ATF7IP: variants seen among roughly 807,000 people sequenced by gnomAD.
The protein encoded by ATF7IP is activating transcription factor 7-interacting protein 1.
Under a neutral mutation model 106.4 loss-of-function variants are expected in ATF7IP, and 23 were observed. That is an observed-to-expected ratio of 0.22 (90% CI 0.16 to 0.31). The LOEUF (loss-of-function observed/expected upper bound fraction) is 0.31, where lower values mean the gene tolerates loss of function less well. Among genes scored for constraint, ATF7IP ranks in the 10% least tolerant of loss-of-function variants. The pLI is 1.00. For missense variants in ATF7IP, 1,334 were observed against 1,524.3 expected, an observed-to-expected ratio of 0.88 and a Z score of 2.08; for synonymous variants, 542 against 539.0, an observed-to-expected ratio of 1.01 and a Z score of -0.08.
intron 1 of ATF7IP, chr12:14,408,433 T>G (rs1372137677): frequency 6.6e-6 from 1 of 152,170 alleles, no homozygotes; most frequent in East Asian, 1.9e-4. Flanking sequence ...TCTTCCTGAT[T>G]GGTTACATGA....
intron 1 of ATF7IP, among the ~76,000 whole-genome samples, chr12:14,410,529 G>A (rs1350694459): frequency 1.3e-5 from 2 of 151,982 alleles, no homozygotes; most frequent in African/African-American, 4.8e-5. Context: ...CTGGCAATTT[G>A]GATATGCCAA....
intron 3 of ATF7IP, among the ~76,000 whole-genome samples, chr12:14,435,740 A>G (rs1488215695): frequency 6.6e-6 from 1 of 152,236 alleles, no homozygotes; most frequent in African/African-American, 2.4e-5. Context: ...GAGAATGAAT[A>G]CTATATTTTG....
At chr12:14,419,312 T>C (rs569417825) in intron 1 of ATF7IP, 151 of 152,282 alleles carry the variant, frequency 9.9e-4, no homozygotes, top group African/African-American at 3.4e-3. Flanking sequence ...ATGTTCTTAA[T>C]TGGGTTATTA....
intron 1 of ATF7IP, among the ~76,000 whole-genome samples, chr12:14,380,863 A>G (rs1452799142): frequency 6.6e-6 from 1 of 151,784 alleles, no homozygotes; most frequent in African/African-American, 2.4e-5. Context: ...CAGGTGATCC[A>G]CCTCCCTTGG....
At chr12:14,469,807 A>C (rs1565539880) in intron 10 of ATF7IP, among the ~76,000 whole-genome samples, 1 of 152,206 alleles carries the variant, frequency 6.6e-6, no homozygotes, top group Non-Finnish European at 1.5e-5. Context: ...AAGTTCAGAG[A>C]GATCAGGCAA....
intron 1 of ATF7IP, among the ~76,000 whole-genome samples, chr12:14,377,360 T>A (rs1938790237): frequency 1.3e-5 from 2 of 150,692 alleles, no homozygotes; most frequent in Admixed American, 6.6e-5. Context: ...TTATCCAATT[T>A]TTTTTTTTTT....
At chr12:14,461,714 C>T (rs138336791) in intron 9 of ATF7IP, among the ~76,000 whole-genome samples, 67 of 152,214 alleles carry the variant, frequency 4.4e-4, no homozygotes, top group African/African-American at 1.6e-3. Flanking sequence ...AAAAGGAGCA[C>T]TTGATTATAC....
Position 14,424,406 on chromosome 12 carries a change from C to G in ATF7IP, c.491C>G (p.Pro164Arg), listed in dbSNP as rs774782440. The change falls in exon 2 of 15, where the codon CCC becomes CGC. Residue 164 changes from proline (P) to arginine (R), a missense_variant. Coordinates refer to ENST00000261168, the MANE Select transcript of ATF7IP (RefSeq NM_018179.5). ...TCTGGTGATCCCACCTCTAGCGAGC[C>G]CTCCTCTAGTGATGCTGCCTCTGGT... ...STSGDPTSSE[P>R]SSSDAASGDA... 1.9e-6 allele frequency: 3 copies of G among 1,613,048 alleles called. No individual in the cohort carries two copies. The highest frequency in any genetic ancestry group is 2.5e-6 in the Non-Finnish European group (3 of 1,179,618).
At chr12:14,464,574 A>G (rs1591921538) in intron 9 of ATF7IP, among the ~76,000 whole-genome samples, 3 of 152,146 alleles carry the variant, frequency 2.0e-5, no homozygotes, top group Admixed American at 2.0e-4. Context: ...CTTATTTTAC[A>G]TCCTGACCAG....
intron 1 of ATF7IP, among the ~76,000 whole-genome samples, chr12:14,423,474 T>A (rs927074593): frequency 6.6e-6 from 1 of 151,884 alleles, no homozygotes; most frequent in East Asian, 1.9e-4. Context: ...TTTCCTTACA[T>A]GTTTCTTAAT....
intron 1 of ATF7IP, among the ~76,000 whole-genome samples, chr12:14,388,079 C>T (rs1370779174): frequency 2.0e-5 from 3 of 148,274 alleles, no homozygotes; most frequent in Non-Finnish European, 4.5e-5. Context: ...GATGATGCTT[C>T]CTCGGCTCAC....
At chr12:14,408,477 T>C (rs2058876) in intron 1 of ATF7IP, 152,071 of 152,282 alleles carry the variant, frequency 1, 75,931 homozygotes, top group Middle Eastern at 1. Flanking sequence ...AGTGACTATG[T>C]AAATTGTATT....
rs758977704 is a variant in ATF7IP at position 14,456,653 on chromosome 12, TC to T, written c.2069+20del. Reference sequence around the variant, plus strand: ...CTTACAGGTGAGAATTCATAGTCTGTCTAGTTTTTAAAAACAGAACAAAGTT... The same window carrying T: ...CTTACAGGTGAGAATTCATAGTCTGTTAGTTTTTAAAAACAGAACAAAGTT... On this transcript the variant is annotated intron_variant, in intron 7 of 14. Transcript: ENST00000261168. The T allele has an allele frequency of 6.4e-7, 1 of 1,559,494 alleles. No individual in the cohort carries two copies. Among genetic ancestry groups the T allele is most frequent in the South Asian group, 1.1e-5 (1 of 88,646 alleles).
At chr12:14,469,607 A>C (rs1178146487) in intron 10 of ATF7IP, among the ~76,000 whole-genome samples, 3 of 152,176 alleles carry the variant, frequency 2.0e-5, no homozygotes, top group East Asian at 3.8e-4. Context: ...TATTCAAATT[A>C]TCAACATAAG....
At chr12:14,387,397 ACT>A (rs763447084) in intron 1 of ATF7IP, among the ~76,000 whole-genome samples, 1 of 151,010 alleles carries the variant, frequency 6.6e-6, no homozygotes, top group Non-Finnish European at 1.5e-5. Flanking sequence ...AGGGGAGGAG[ACT>A]CTAGTGTTTA....
intron 8 of ATF7IP, among the ~76,000 whole-genome samples, chr12:14,459,022 G>A (rs932099297): frequency 6.6e-6 from 1 of 151,996 alleles, no homozygotes; most frequent in African/African-American, 2.4e-5. Context: ...AAGGATTTAG[G>A]GAGCTGTCAT....
At position 14,500,964 on chromosome 12, in the gene ATF7IP, A is replaced by G. The variant is rs1186048724; in HGVS notation, c.*2891A>G. ...TATTTAGGGGAGAAGTATATTTATT[A>G]TAAGATGGTGTCCTCAAATTAGCCT... On this transcript the variant is annotated 3_prime_UTR_variant, in exon 15 of 15. Transcript: ENST00000261168. The G allele has an allele frequency of 6.6e-6, 1 of 152,208 alleles. No individual in the cohort carries two copies. The highest frequency in any genetic ancestry group is 1.5e-5 in the Non-Finnish European group (1 of 68,020). The allele number at this position is 152,208 out of a possible 1,614,324, so 9.4% of individuals were successfully genotyped here. A position where few individuals can be genotyped will look rare whatever the true frequency, so the allele number is the denominator to read the frequency against.
chr12:14,411,106 G>C (rs562357583), intron 1 of ATF7IP, among the ~76,000 whole-genome samples: 1 of 152,228 alleles, frequency 6.6e-6, no homozygotes, highest in Non-Finnish European at 1.5e-5. Flanking sequence ...ACAAGTTTTT[G>C]TGTGGACATA....
At chr12:14,422,394 A>G (rs1298414543) in intron 1 of ATF7IP, among the ~76,000 whole-genome samples, 1 of 151,638 alleles carries the variant, frequency 6.6e-6, no homozygotes, top group Non-Finnish European at 1.5e-5. Flanking sequence ...TTGTAGTGGC[A>G]TTACTGAGAT....
Sources: allele counts gnomAD v4.1 joint callset (sites outside exome capture counted in the v4.1 genomes callset), GRCh38; gene constraint gnomAD v4.1.1; transcripts MANE v1.5; gene names NCBI Gene and HGNC (gene_info 2026-07-23, HGNC 2026-07-21).